Variants in RYR1 observed in about 807,000 individuals in gnomAD.
RYR1 encodes the protein central core disease of muscle.
A neutral mutation model predicts 583.5 loss-of-function variants in RYR1; 342 were observed. The ratio of observed to expected loss-of-function variants is 0.59; its 90% CI spans 0.54 to 0.64. The LOEUF (loss-of-function observed/expected upper bound fraction) is 0.64, where lower values mean the gene tolerates loss of function less well. Among genes scored for constraint, RYR1 ranks in the 30% least tolerant of loss-of-function variants. The pLI, the probability that RYR1 is intolerant of heterozygous loss-of-function variation, is 0.00. For synonymous variants in RYR1, 2,791 were observed against 2,822.5 expected (o/e 0.99, Z 0.35); for missense variants, 6,032 against 6,917.2 (o/e 0.87, Z 4.54).
chr19:38,484,364 T>TTTCC (rs1969169105), intron 33 of RYR1, among the ~76,000 whole-genome samples: 1 of 149,160 alleles, frequency 6.7e-6, no homozygotes, highest in Non-Finnish European at 1.5e-5. Flanking sequence ...TCTTTCTTTC[T>TTTCC]TTCCTTCCTT....
Position 38,527,041 on chromosome 19 carries a change from C to G in RYR1, c.10675C>G (p.Leu3559Val). Residue 3559 changes from leucine to valine, a missense_variant, in exon 72 of 106, where the codon CTT becomes GTT. Around this residue, in one of 11 missense-constraint regions of RYR1, gnomAD observed 1,493 missense variants for 1,715.5 expected, o/e 0.87. Transcript: ENST00000359596. ...GGAATTTCTGCACAACAACCTTCACCTTCAGGGAAAGGTATGCCTCCTTCC... is the reference window on the plus strand; with the variant it reads ...GGAATTTCTGCACAACAACCTTCACGTTCAGGGAAAGGTATGCCTCCTTCC... ...VREFLHNNLHLQGKVEGSPSL... is the reference protein window; with the variant it reads ...VREFLHNNLHVQGKVEGSPSL... 1 of 1,613,982 alleles carries G rather than the reference C, an allele frequency of 6.2e-7. No homozygotes were observed. Among genetic ancestry groups the G allele is most frequent in the South Asian group, 1.1e-5 (1 of 91,088 alleles).
intron 27 of RYR1, among the ~76,000 whole-genome samples, chr19:38,472,916 T>G (rs1257669078): frequency 6.8e-6 from 1 of 146,656 alleles, no homozygotes; most frequent in Non-Finnish European, 1.5e-5. Context: ...TTCAGGAGAC[T>G]GAGACACAAG....
intron 37 of RYR1, 118 bp downstream of exon 37, chr19:38,490,850 T>G: frequency 1.4e-6 from 1 of 730,560 alleles, no homozygotes; most frequent in South Asian, 1.4e-5. Context: ...TAACTATTGG[T>G]TGAATGAATG....
At chr19:38,497,236 A>G (rs1192546138) in intron 42 of RYR1, among the ~76,000 whole-genome samples, 1 of 150,760 alleles carries the variant, frequency 6.6e-6, no homozygotes, top group African/African-American at 2.4e-5. Context: ...TCTAACTTCC[A>G]GGCTGGGGGC....
chr19:38,543,551 A>C lies in RYR1; in HGVS notation c.11798A>C (p.Tyr3933Ser). 6.2e-7 allele frequency: 1 copy of C among 1,614,084 alleles called. No homozygotes were observed. The highest frequency in any genetic ancestry group is 1.7e-5 in the Admixed American group (1 of 60,028). ...LRLQESISDF[Y>S]WYYSGKDVIE... ...CACCAGGAATCCATCAGCGACTTCT[A>C]CTGGTACTACTCGGGCAAGGATGTC... The change falls in exon 86 of 106, where the codon TAC becomes TCC. Residue 3933 changes from tyrosine (Y) to serine (S), a missense_variant. Tyr to Ser is a moderately radical substitution (Grantham distance 144). Around this residue, in one of 11 missense-constraint regions of RYR1, gnomAD observed 1,493 missense variants for 1,715.5 expected, o/e 0.87. Coordinates refer to ENST00000359596, the MANE Select transcript of RYR1 (RefSeq NM_000540.3). This position sits in a 1 kb window ranked among gnomAD's most constrained non-coding sequence, Gnocchi z 4.4.
intron 93 of RYR1, among the ~76,000 whole-genome samples, chr19:38,569,098 A>C (rs907978393): frequency 2.6e-5 from 4 of 151,024 alleles, no homozygotes; most frequent in Non-Finnish European, 5.9e-5. Context: ...GCAAGCTCTG[A>C]CTCCTGGGTT....
intron 12 of RYR1, 36 bp downstream of exon 12, chr19:38,451,921 G>A (rs1967095021): frequency 6.2e-7 from 1 of 1,613,834 alleles, no homozygotes; most frequent in Non-Finnish European, 8.5e-7. Context: ...GGTGACTCCT[G>A]TGCTGTCCCA....
chr19:38,499,537 G>T lies in RYR1; in HGVS notation c.7028-98G>T. 1 of 1,384,588 alleles carries T rather than the reference G, an allele frequency of 7.2e-7. No individual in the cohort carries two copies. Among genetic ancestry groups the T allele is most frequent in the Non-Finnish European group, 1.0e-6 (1 of 1,002,652 alleles). 85.8% of individuals were successfully genotyped at this position (1,384,588 alleles called of 1,614,324 possible). ...AGGTGTTGGGTCCTGGAGCTGGATG[G>T]GACCTGTGTTACCCCTGGAGGTGTT... On this transcript the variant is annotated intron_variant, in intron 43 of 105. Coordinates refer to ENST00000359596, the MANE Select transcript of RYR1 (RefSeq NM_000540.3). This position sits in a 1 kb window ranked among gnomAD's most constrained non-coding sequence, Gnocchi z 7.3.
At chr19:38,442,879 A>C (rs1179213506) in intron 3 of RYR1, among the ~76,000 whole-genome samples, 1 of 151,960 alleles carries the variant, frequency 6.6e-6, no homozygotes, top group African/African-American at 2.4e-5. Context: ...TCCTCTCCGC[A>C]TGGGACCTCT....
intron 42 of RYR1, 90 bp downstream of exon 42, chr19:38,497,044 T>C: frequency 9.2e-7 from 1 of 1,086,158 alleles, no homozygotes; most frequent in South Asian, 1.3e-5. Flanking sequence ...CCAAACTCAT[T>C]CTGGGGGGCA....
intron 19 of RYR1, 116 bp from the exon 20 acceptor site, chr19:38,460,259 C>A: frequency 1.1e-6 from 1 of 944,684 alleles, no homozygotes; most frequent in Non-Finnish European, 1.7e-6. Flanking sequence ...GCCCGGTGAC[C>A]TTTGGTCTCC....
chr19:38,492,532 C>G lies in RYR1; in HGVS notation c.6170C>G (p.Thr2057Ser). Residue 2057 changes from threonine (T) to serine (S), a missense_variant, in exon 38 of 106, where the codon ACC (threonine) becomes AGC (serine). This residue lies in a region of RYR1 where 2,627 missense variants were observed against 2,961.3 expected (regional missense o/e 0.89). Coordinates refer to ENST00000359596, the MANE Select transcript of RYR1 (RefSeq NM_000540.3). ...GAGGAGGAGGAACCAGAGGAAGAGA[C>G]CACCCTGGGCAGCCGCCTCATGAGC... is the stretch of plus-strand genomic sequence containing the variant. Reference protein sequence around the residue: ...DGEEEEPEEETTLGSRLMSLL... With the variant: ...DGEEEEPEEESTLGSRLMSLL... 6.2e-7 allele frequency: 1 copy of G among 1,614,108 alleles called. No individual in the cohort carries two copies. The highest frequency in any genetic ancestry group is 8.5e-7 in the Non-Finnish European group (1 of 1,179,986).
intron 20 of RYR1, among the ~76,000 whole-genome samples, chr19:38,460,924 G>T (rs1967703942): frequency 6.6e-6 from 1 of 152,196 alleles, no homozygotes; most frequent in African/African-American, 2.4e-5. Context: ...GGTGGAGGTT[G>T]CAGTGAGCTG....
chr19:38,505,384 A>G lies in RYR1; in HGVS notation c.8386A>G (p.Thr2796Ala), dbSNP rs780567684. ...CCACCCCATGCTGAGGCCCTACAAG[A>G]CCTTTTCAGAGAAGGTGACCAGGCC... ...KTHPMLRPYK[T>A]FSEKDKEIYR... Residue 2796 changes from threonine to alanine, a missense_variant, in exon 53 of 106, where the codon ACC becomes GCC. Thr to Ala is a moderately conservative substitution (Grantham distance 58). Transcript: ENST00000359596. 1.2e-6 allele frequency: 2 copies of G among 1,609,430 alleles called. No homozygotes were observed. Among genetic ancestry groups the G allele is most frequent in the South Asian group, 1.1e-5 (1 of 90,214 alleles).
At chr19:38,530,987 C>CTTTTTTTTT (rs59244176) in intron 76 of RYR1, among the ~76,000 whole-genome samples, 217 of 129,346 alleles carry the variant, frequency 1.7e-3, no homozygotes, top group Non-Finnish European at 2.3e-3. Flanking sequence ...TTTTCTTTCT[C>CTTTTTTTTT]TTTTTTTTTT....
At position 38,463,817 on chromosome 19, in the gene RYR1, A is replaced by G. The variant is rs775780413; in HGVS notation, c.2753A>G (p.Asn918Ser). Residue 918 changes from asparagine (N) to serine (S), a missense_variant, in exon 22 of 106, where the codon AAC (asparagine) becomes AGC (serine). Asn to Ser is a conservative substitution (Grantham distance 46). Around this residue, in one of 11 missense-constraint regions of RYR1, gnomAD observed 2,627 missense variants for 2,961.3 expected, o/e 0.89. Transcript: ENST00000359596. ...DFHSLPEPERNYNLQMSGETL... is the reference protein window; with the variant it reads ...DFHSLPEPERSYNLQMSGETL... ...CACAGCCTTCCAGAGCCTGAGAGGAACTACAACCTGCAGATGTCTGGGGAG... is the reference window on the plus strand; with the variant it reads ...CACAGCCTTCCAGAGCCTGAGAGGAGCTACAACCTGCAGATGTCTGGGGAG... 2 of 1,613,868 alleles carry G rather than the reference A, an allele frequency of 1.2e-6. No individual in the cohort carries two copies. The highest frequency in any genetic ancestry group is 1.1e-5 in the South Asian group (1 of 91,066).
intron 54 of RYR1, 45 bp downstream of exon 54, chr19:38,505,991 G>T: frequency 6.3e-7 from 1 of 1,597,346 alleles, no homozygotes; most frequent in South Asian, 1.1e-5. Context: ...GATGGGGGGA[G>T]GGTCTAGAAC....
At chr19:38,530,987 C>CTTTTTTTTTTTTTTTTTTTT (rs59244176) in intron 76 of RYR1, among the ~76,000 whole-genome samples, 35 of 129,370 alleles carry the variant, frequency 2.7e-4, no homozygotes, top group Non-Finnish European at 3.9e-4. Flanking sequence ...TTTTCTTTCT[C>CTTTTTTTTTTTTTTTTTTTT]TTTTTTTTTT....
chr19:38,499,557 G>A lies in RYR1; in HGVS notation c.7028-78G>A. 6.7e-7 allele frequency: 1 copy of A among 1,490,596 alleles called. No homozygotes were observed. Among genetic ancestry groups the A allele is most frequent in the Admixed American group, 1.7e-5 (1 of 57,538 alleles). The allele number at this position is 1,490,596 out of a possible 1,614,324, so 92.3% of individuals were successfully genotyped here. On this transcript the variant is annotated intron_variant, in intron 43 of 105. Transcript: ENST00000359596. This position sits in a 1 kb window ranked among gnomAD's most constrained non-coding sequence, Gnocchi z 7.3. Reference sequence around the variant, plus strand: ...GGATGGGACCTGTGTTACCCCTGGAGGTGTTGGGTCCTGGGGCTGCATGGG... The same window carrying A: ...GGATGGGACCTGTGTTACCCCTGGAAGTGTTGGGTCCTGGGGCTGCATGGG...
Sources: gnomAD v4.1 joint callset for allele counts (sites outside exome capture counted in the v4.1 genomes callset) on GRCh38, gnomAD v4.1.1 for gene constraint, gnomAD v4.1.1 regional missense constraint, Gnocchi (gnomAD v3.1) non-coding constraint, MANE v1.5 for transcripts, NCBI Gene and HGNC (gene_info 2026-07-23, HGNC 2026-07-21) for gene names.